MNAT1: variants seen among roughly 807,000 people sequenced by gnomAD.
MNAT1 encodes the protein MNAT1 component of CDK activating kinase.
In MNAT1, 43 loss-of-function variants were observed where a neutral mutation model predicts 42.0. That is an observed-to-expected ratio of 1.02 (90% CI 0.80 to 1.32). The LOEUF is 1.32. Ranked by LOEUF, MNAT1 falls within the 40% of genes most tolerant of loss-of-function variation. The pLI is 0.00. For missense variants in MNAT1, 306 were observed against 350.4 expected (o/e 0.87, Z 1.01); for synonymous variants, 118 against 120.0 (o/e 0.98, Z 0.11).
At chr14:60,918,650 A>G (rs1476057395) in intron 7 of MNAT1, among the ~76,000 whole-genome samples, 1 of 151,554 alleles carries the variant, frequency 6.6e-6, no homozygotes, top group African/African-American at 2.4e-5. Context: ...TGACACACGT[A>G]CTTTTAGCAA....
chr14:60,903,060 T>C (rs1319605313), intron 7 of MNAT1, among the ~76,000 whole-genome samples: 1 of 152,014 alleles, frequency 6.6e-6, no homozygotes, highest in Non-Finnish European at 1.5e-5. Flanking sequence ...CTAATAACTG[T>C]AGTTTCTTTC....
intron 1 of MNAT1, among the ~76,000 whole-genome samples, chr14:60,786,720 T>G (rs1234417916): frequency 6.6e-6 from 1 of 152,208 alleles, no homozygotes; most frequent in African/African-American, 2.4e-5. Flanking sequence ...AATGCTTGGC[T>G]TAAGAGAAGA....
At chr14:60,945,996 A>T (rs1421862761) in intron 7 of MNAT1, among the ~76,000 whole-genome samples, 1 of 152,228 alleles carries the variant, frequency 6.6e-6, no homozygotes, top group East Asian at 1.9e-4. Context: ...ATACTTGTAC[A>T]CATTGCTAAC....
intron 3 of MNAT1, among the ~76,000 whole-genome samples, chr14:60,799,011 TAAC>T (rs1370598597): frequency 1.3e-5 from 2 of 152,208 alleles, no homozygotes; most frequent in Non-Finnish European, 2.9e-5. Context: ...ATGATAAACT[TAAC>T]AATTCAGATT....
chr14:60,839,471 C>T (rs2139398225), intron 6 of MNAT1, among the ~76,000 whole-genome samples: 1 of 152,310 alleles, frequency 6.6e-6, no homozygotes, highest in African/African-American at 2.4e-5. Context: ...TGTCCACATA[C>T]CTCATTCTTC....
chr14:60,765,076 C>A (rs2140302591), intron 1 of MNAT1, among the ~76,000 whole-genome samples: 1 of 152,168 alleles, frequency 6.6e-6, no homozygotes, highest in East Asian at 1.9e-4. Flanking sequence ...CATGGTGAAA[C>A]CCCCGTTTCT....
At chr14:60,780,306 C>T (rs1236248436) in intron 1 of MNAT1, 4 of 1,524,602 alleles carry the variant, frequency 2.6e-6, no homozygotes, top group Non-Finnish European at 3.6e-6. Context: ...GATAAGACTG[C>T]AAAAGATGAC....
chr14:60,926,260 C>G (rs116709441), intron 7 of MNAT1, among the ~76,000 whole-genome samples: 1 of 152,208 alleles, frequency 6.6e-6, no homozygotes. Flanking sequence ...GTTTTCCCCC[C>G]ACACACCAAC....
chr14:60,943,044 G>GC (rs2036206322), intron 7 of MNAT1, among the ~76,000 whole-genome samples: 3 of 86,428 alleles, frequency 3.5e-5, no homozygotes, highest in East Asian at 2.7e-4. Flanking sequence ...GTGTGTGTGT[G>GC]TGTGTGCGCT....
chr14:60,814,231 G>T (rs1302797787), intron 5 of MNAT1, among the ~76,000 whole-genome samples: 1 of 151,908 alleles, frequency 6.6e-6, no homozygotes, highest in Non-Finnish European at 1.5e-5. Context: ...GAAATAGCGG[G>T]GTTTTTGCAA....
chr14:60,804,995 G>A lies in MNAT1; in HGVS notation c.317-3330G>A, dbSNP rs1373922862. Among the ~76,000 whole-genome samples the A allele has an allele frequency of 3.3e-5, 5 of 152,030 alleles. No individual in the cohort carries two copies. The South Asian group carries it at 6.2e-4, about 19-fold the overall frequency. On this transcript the variant is annotated intron_variant, in intron 3 of 7. Coordinates refer to ENST00000261245, the MANE Select transcript of MNAT1 (RefSeq NM_002431.4). ...CTCTACATGGGATATCAATTTGACCGCTTACTTTTCAGTAGATTCATACCA... is the reference window on the plus strand; with the variant it reads ...CTCTACATGGGATATCAATTTGACCACTTACTTTTCAGTAGATTCATACCA...
At chr14:60,799,715 TAC>T (rs1566770912) in intron 3 of MNAT1, among the ~76,000 whole-genome samples, 3 of 151,352 alleles carry the variant, frequency 2.0e-5, no homozygotes, top group East Asian at 1.9e-4. Context: ...TATATATATA[TAC>T]ACACACACAC....
intron 6 of MNAT1, among the ~76,000 whole-genome samples, chr14:60,866,353 C>T (rs2034202882): frequency 7.0e-6 from 1 of 143,844 alleles, no homozygotes; most frequent in Admixed American, 7.1e-5. Flanking sequence ...AGAACGGAAT[C>T]CTTGTGCATG....
chr14:60,904,933 T>C (rs2035161527), intron 7 of MNAT1, among the ~76,000 whole-genome samples: 1 of 147,640 alleles, frequency 6.8e-6, no homozygotes, highest in African/African-American at 2.5e-5. Flanking sequence ...CCTCATTGTA[T>C]AGCTCAGGTT....
intron 7 of MNAT1, among the ~76,000 whole-genome samples, chr14:60,910,108 T>C (rs540989048): frequency 1.3e-5 from 2 of 152,364 alleles, no homozygotes; most frequent in African/African-American, 4.8e-5. Context: ...AGTTCACTCA[T>C]GATTTGGCTC....
intron 1 of MNAT1, among the ~76,000 whole-genome samples, chr14:60,786,159 T>G (rs2031644447): frequency 6.6e-6 from 1 of 152,038 alleles, no homozygotes; most frequent in Non-Finnish European, 1.5e-5. Context: ...AATTGTGAAA[T>G]TCAAGTTTCT....
chr14:60,877,933 G>C (rs568476139), intron 6 of MNAT1, among the ~76,000 whole-genome samples: 49 of 152,080 alleles, frequency 3.2e-4, no homozygotes, highest in African/African-American at 1.0e-3. Flanking sequence ...ATGTGTGTGT[G>C]ATGTGAAATA....
intron 7 of MNAT1, among the ~76,000 whole-genome samples, chr14:60,953,056 G>C (rs2036413645): frequency 6.6e-6 from 1 of 152,030 alleles, no homozygotes; most frequent in Non-Finnish European, 1.5e-5. Flanking sequence ...CCAAGAAATG[G>C]CCATTTAATG....
rs1371182182 is a variant in MNAT1 at position 60,879,705 on chromosome 14, T to C, written c.688-9T>C. The C allele has an allele frequency of 1.9e-6, 3 of 1,606,312 alleles. No individual in the cohort carries two copies. The highest frequency in any genetic ancestry group is 2.5e-6 in the Non-Finnish European group (3 of 1,177,156). The stretch of plus-strand genomic sequence containing the variant: ...TAAGAGGTATTAAGTTCCTTCATTT[T>C]TCTAACAGGGTCAACATATTTCACT... On this transcript the variant is annotated splice_polypyrimidine_tract_variant and intron_variant, in intron 6 of 7. Coordinates refer to ENST00000261245, the MANE Select transcript of MNAT1 (RefSeq NM_002431.4).
Sources: gnomAD v4.1 joint callset for allele counts (sites outside exome capture counted in the v4.1 genomes callset) on GRCh38, gnomAD v4.1.1 for gene constraint, MANE v1.5 for transcripts, NCBI Gene and HGNC (gene_info 2026-07-23, HGNC 2026-07-21) for gene names.